CRISPLD2: variants seen among roughly 807,000 people sequenced by gnomAD.
The protein encoded by CRISPLD2 is cysteine-rich secretory protein LCCL domain-containing 2.
In CRISPLD2, 47 loss-of-function variants were observed where a neutral mutation model predicts 71.1. The ratio of observed to expected loss-of-function variants is 0.66; its 90% CI spans 0.52 to 0.84. The LOEUF is 0.84. Among genes scored for constraint, CRISPLD2 ranks in the 40% least tolerant of loss-of-function variants. CRISPLD2 has a pLI of 0.00. For synonymous variants in CRISPLD2, 317 were observed against 250.1 expected, an observed-to-expected ratio of 1.27 and a Z score of -2.52; for missense variants, 830 against 651.1, an observed-to-expected ratio of 1.27 and a Z score of -2.99.
intron 1 of CRISPLD2, among the ~76,000 whole-genome samples, chr16:84,827,558 C>CTTTTTTTT (rs571068599): frequency 1.1e-4 from 15 of 135,910 alleles, no homozygotes; most frequent in African/African-American, 3.6e-4. Flanking sequence ...AGTGCCCTTT[C>CTTTTTTTT]TTTTTTTTTT....
In CRISPLD2 at chr16:84,873,188, T is replaced by C; in HGVS notation, c.1112+66T>C. The C allele has an allele frequency of 3.2e-6, 5 of 1,560,774 alleles. No individual in the cohort carries two copies. The South Asian group carries it at 4.7e-5, about 15-fold the overall frequency. ...TGTTTATGACGGTGTTGTTGAAATT[T>C]TGAAAAATACCACACAGGCCGGGCG... is the stretch of plus-strand genomic sequence containing the variant. On this transcript the variant is annotated intron_variant, in intron 10 of 14. Coordinates refer to ENST00000262424, the MANE Select transcript of CRISPLD2 (RefSeq NM_031476.4).
At chr16:84,875,982 G>A (rs1374878588) in intron 11 of CRISPLD2, among the ~76,000 whole-genome samples, 13 of 152,118 alleles carry the variant, frequency 8.5e-5, no homozygotes, top group African/African-American at 3.1e-4. Flanking sequence ...ATAGAACCAT[G>A]GCCTGTTCAA....
chr16:84,845,773 C>G lies in CRISPLD2; in HGVS notation c.241-13C>G, dbSNP rs768098910. ...CCCTCACCTCCTGGTGCCCGTTTCTCCTTCTCCTGCAGACCTGGGATGACG... is the reference window on the plus strand; with the variant it reads ...CCCTCACCTCCTGGTGCCCGTTTCTGCTTCTCCTGCAGACCTGGGATGACG... On this transcript the variant is annotated splice_polypyrimidine_tract_variant and intron_variant, in intron 2 of 14. Coordinates refer to ENST00000262424, the MANE Select transcript of CRISPLD2 (RefSeq NM_031476.4). 1.2e-5 allele frequency: 19 copies of G among 1,592,656 alleles called. No individual in the cohort carries two copies. Among genetic ancestry groups the G allele is most frequent in the Non-Finnish European group, 1.6e-5 (19 of 1,161,832 alleles).
chr16:84,890,352 C>G (rs1026259141), intron 14 of CRISPLD2, among the ~76,000 whole-genome samples: 2 of 149,004 alleles, frequency 1.3e-5, no homozygotes, highest in Admixed American at 6.7e-5. Flanking sequence ...GAGTGAGACT[C>G]CATCTCAAAA....
chr16:84,825,754 C>T (rs1283625255), intron 1 of CRISPLD2, among the ~76,000 whole-genome samples: 5 of 151,040 alleles, frequency 3.3e-5, no homozygotes, highest in African/African-American at 1.2e-4. Context: ...GACTCCATCT[C>T]AAATAAATAA....
At chr16:84,888,208 C>T (rs1380037100) in intron 13 of CRISPLD2, among the ~76,000 whole-genome samples, 1 of 152,194 alleles carries the variant, frequency 6.6e-6, no homozygotes, top group Non-Finnish European at 1.5e-5. Flanking sequence ...CACCTGCATT[C>T]ATTGGCTCAT....
At chr16:84,862,245 C>A (rs1442509690) in intron 6 of CRISPLD2, among the ~76,000 whole-genome samples, 1 of 152,068 alleles carries the variant, frequency 6.6e-6, no homozygotes, top group Non-Finnish European at 1.5e-5. Flanking sequence ...CTTTGTTGCC[C>A]AGGCTGGAGT....
At chr16:84,858,570 C>T (rs148547140) in intron 6 of CRISPLD2, among the ~76,000 whole-genome samples, 9 of 152,340 alleles carry the variant, frequency 5.9e-5, no homozygotes, top group South Asian at 2.1e-4. Context: ...ATAAGTCCAA[C>T]GTGTTTGCTA....
intron 14 of CRISPLD2, among the ~76,000 whole-genome samples, chr16:84,894,363 A>G (rs1440384627): frequency 6.6e-6 from 1 of 152,250 alleles, no homozygotes; most frequent in African/African-American, 2.4e-5. Context: ...ATTGGGAAAT[A>G]TATAAACAAT....
intron 13 of CRISPLD2, among the ~76,000 whole-genome samples, chr16:84,882,396 A>G (rs957081903): frequency 6.7e-5 from 10 of 150,158 alleles, no homozygotes; most frequent in African/African-American, 2.4e-4. Flanking sequence ...GATATTTGCA[A>G]CAATAGAAGG....
intron 6 of CRISPLD2, among the ~76,000 whole-genome samples, chr16:84,858,499 G>A (rs1487307922): frequency 7.9e-5 from 12 of 152,186 alleles, no homozygotes; most frequent in Admixed American, 7.9e-4. Context: ...TACCAAGGTA[G>A]AAGTTTCCTG....
chr16:84,902,326 C>T (rs1053888052), intron 14 of CRISPLD2, among the ~76,000 whole-genome samples: 3 of 151,768 alleles, frequency 2.0e-5, no homozygotes, highest in Admixed American at 6.6e-5. Context: ...AAACGATGAA[C>T]AGGCCGGGCG....
chr16:84,872,538 C>T, intron 9 of CRISPLD2, 30 bp downstream of exon 9: 3 of 1,571,264 alleles, frequency 1.9e-6, no homozygotes, highest in South Asian at 2.2e-5. Context: ...CTCTCAATGG[C>T]TTGTGTGGGA....
intron 3 of CRISPLD2, chr16:84,849,141 G>C (rs1335930770): frequency 5.9e-6 from 3 of 506,312 alleles, no homozygotes; most frequent in East Asian, 3.3e-5. Flanking sequence ...GGTGCTGCTG[G>C]AATTGAGGGT....
intron 1 of CRISPLD2, among the ~76,000 whole-genome samples, chr16:84,835,430 C>T (rs1052954511): frequency 3.3e-5 from 5 of 152,158 alleles, no homozygotes; most frequent in Admixed American, 1.3e-4. Context: ...TCCTGCGGCC[C>T]AAATGTAGTA....
At chr16:84,883,324 G>T (rs80068856) in intron 13 of CRISPLD2, among the ~76,000 whole-genome samples, 3,361 of 152,294 alleles carry the variant, frequency 0.022, 60 homozygotes, top group Middle Eastern at 0.092. Context: ...GTTCCTGCCT[G>T]CGGCTCCCGC....
At chr16:84,870,028 G>T (rs2071452186) in intron 8 of CRISPLD2, among the ~76,000 whole-genome samples, 1 of 152,204 alleles carries the variant, frequency 6.6e-6, no homozygotes, top group South Asian at 2.1e-4. Flanking sequence ...CTCAGCCCCA[G>T]TGTGCCACTG....
chr16:84,839,308 A>C, intron 2 of CRISPLD2: 2 of 246,634 alleles, frequency 8.1e-6, no homozygotes, highest in South Asian at 4.6e-5. Context: ...AGCCTTTCCC[A>C]CCTGGAGGCA....
intron 1 of CRISPLD2, among the ~76,000 whole-genome samples, chr16:84,835,533 C>T (rs770345695): frequency 1.3e-5 from 2 of 152,224 alleles, no homozygotes; most frequent in Non-Finnish European, 2.9e-5. Context: ...CAAACCCAAC[C>T]ACTTTCAGAC....
Sources: allele counts gnomAD v4.1 joint callset (sites outside exome capture counted in the v4.1 genomes callset), GRCh38; gene constraint gnomAD v4.1.1; transcripts MANE v1.5; gene names NCBI Gene and HGNC (gene_info 2026-07-23, HGNC 2026-07-21).